The following SHPRH variants were observed in gnomAD, a reference collection of about 807,000 sequenced individuals.
The protein encoded by SHPRH is E3 ubiquitin-protein ligase SHPRH.
A neutral mutation model predicts 202.5 loss-of-function variants in SHPRH; 106 were observed. The ratio of observed to expected loss-of-function variants is 0.52; its 90% CI spans 0.45 to 0.62. The LOEUF (loss-of-function observed/expected upper bound fraction) is 0.62. Ranked by LOEUF, SHPRH falls within the 20% of genes least tolerant of loss-of-function variation. The pLI is 0.00. For synonymous variants in SHPRH, 729 were observed against 686.0 expected (o/e 1.06, Z -0.98); for missense variants, 1,710 against 2,020.0 (o/e 0.85, Z 2.94).
Position 145,926,248 on chromosome 6 carries a change from G to C in SHPRH, c.3250C>G (p.Pro1084Ala). The change falls in exon 16 of 30, where the codon CCA (proline) becomes GCA (alanine). Residue 1084 changes from proline to alanine, a missense_variant. Transcript: ENST00000275233. ...NLMELLIARH[P>A]GIPPTLRDGR... Reference sequence around the variant, plus strand: ...TCACGCAAGGTAGGTGGTATCCCTGGGTGCCTGGCTATCAACAATTCCATC... The same window carrying C: ...TCACGCAAGGTAGGTGGTATCCCTGCGTGCCTGGCTATCAACAATTCCATC... The C allele has an allele frequency of 6.2e-7, 1 of 1,612,790 alleles. No individual in the cohort carries two copies. The highest frequency in any genetic ancestry group is 8.5e-7 in the Non-Finnish European group (1 of 1,179,206).
exon 3 of SHPRH, chr6:145,864,422 T>C: frequency 2.4e-6 from 1 of 419,098 alleles, no homozygotes; most frequent in Non-Finnish European, 5.0e-6. Flanking sequence ...GAATGGCAGT[T>C]GTCAGGGACC....
At chr6:145,903,400 TTC>T (rs1176768178) in intron 25 of SHPRH, 1 of 147,858 alleles carries the variant, frequency 6.8e-6, no homozygotes, top group Non-Finnish European at 1.5e-5. Context: ...ATGGCTAGGC[TTC>T]TCTGTGAGTT....
chr6:145,905,468 G>A (rs1782879775), intron 25 of SHPRH: 2 of 152,064 alleles, frequency 1.3e-5, no homozygotes, highest in African/African-American at 2.4e-5. Context: ...GTGAGGGACT[G>A]ACTGCTTCCA....
At chr6:145,924,872 T>C in intron 16 of SHPRH, 26 bp from the exon 17 acceptor site, 3 of 1,554,178 alleles carry the variant, frequency 1.9e-6, no homozygotes, top group Non-Finnish European at 2.7e-6. Flanking sequence ...GAATATAAAC[T>C]TTCACTCCCA....
Position 145,910,562 on chromosome 6 carries a change from T to G in SHPRH, c.4401A>C (p.Gly1467=), listed in dbSNP as rs1257722080. Residue 1467 remains glycine (G), a synonymous_variant, in exon 25 of 30, where the codon GGA becomes GGC. Transcript: ENST00000275233. ...ISIIIEQYSV[G]SHRSSIKCAI... is the part of the protein sequence containing the mutation. ...CACACTTAATGGAGCTTCTGTGAGATCCCACGCTGTATTGTTCAATAATTA... is the reference window on the plus strand; with the variant it reads ...CACACTTAATGGAGCTTCTGTGAGAGCCCACGCTGTATTGTTCAATAATTA... 19 of 1,612,466 alleles carry G rather than the reference T, an allele frequency of 1.2e-5. No homozygotes were observed. The highest frequency in any genetic ancestry group is 1.6e-5 in the Non-Finnish European group (19 of 1,179,600).
At chr6:145,867,617 TATATATATATATATAG>T (rs1449822177) in intron 2 of SHPRH, among the ~76,000 whole-genome samples, 5 of 69,198 alleles carry the variant, frequency 7.2e-5, no homozygotes, top group Middle Eastern at 0.011. Context: ...TATATATATA[TATATATATATATATAG>T]AGAGAGAGAG....
chr6:145,887,754 C>T (rs907969579), intron 29 of SHPRH, among the ~76,000 whole-genome samples: 7 of 151,916 alleles, frequency 4.6e-5, no homozygotes, highest in African/African-American at 1.5e-4. Context: ...AGGCTGGTTT[C>T]GAACTCCCAG....
intron 14 of SHPRH, among the ~76,000 whole-genome samples, chr6:145,932,617 T>C (rs1785592507): frequency 1.3e-5 from 2 of 152,204 alleles, no homozygotes; most frequent in African/African-American, 4.8e-5. Context: ...CTAGATCAGA[T>C]GTGGCACACA....
At chr6:145,877,552 C>T (rs1780357719) in intron 2 of SHPRH, 2 of 152,186 alleles carry the variant, frequency 1.3e-5, no homozygotes, top group African/African-American at 2.4e-5. Context: ...TGCCATGCCT[C>T]GAAATTGCCC....
At position 145,910,562 on chromosome 6, in the gene SHPRH, T is replaced by C; in HGVS notation, c.4401A>G (p.Gly1467=). The C allele has an allele frequency of 5.6e-6, 9 of 1,612,584 alleles. No homozygotes were observed. The highest frequency in any genetic ancestry group is 6.8e-6 in the Non-Finnish European group (8 of 1,179,592). The change falls in exon 25 of 30, where the codon GGA becomes GGG. Residue 1467 remains glycine (G), a synonymous_variant. Coordinates refer to ENST00000275233, the MANE Select transcript of SHPRH (RefSeq NM_001042683.3). Reference sequence around the variant, plus strand: ...CACACTTAATGGAGCTTCTGTGAGATCCCACGCTGTATTGTTCAATAATTA... The same window carrying C: ...CACACTTAATGGAGCTTCTGTGAGACCCCACGCTGTATTGTTCAATAATTA... ...ISIIIEQYSV[G]SHRSSIKCAI...
intron 7 of SHPRH, 48 bp downstream of exon 7, chr6:145,946,185 C>A: frequency 1.4e-6 from 2 of 1,405,974 alleles, no homozygotes; most frequent in Non-Finnish European, 9.8e-7. Flanking sequence ...AGAACTCTAG[C>A]AAAGATCACT....
intron 28 of SHPRH, among the ~76,000 whole-genome samples, chr6:145,891,738 C>T (rs1202449818): frequency 6.6e-6 from 1 of 152,138 alleles, no homozygotes; most frequent in Non-Finnish European, 1.5e-5. Flanking sequence ...AGAAGACACA[C>T]TTAAGACAGA....
At chr6:145,893,101 AG>A in intron 28 of SHPRH, 113 bp downstream of exon 28, 1 of 736,598 alleles carries the variant, frequency 1.4e-6, no homozygotes, top group Non-Finnish European at 1.9e-6. Context: ...GTAGTATCTA[AG>A]GAAGTAATTA....
chr6:145,952,323 AT>A, intron 3 of SHPRH, 25 bp downstream of exon 3: 1 of 1,564,776 alleles, frequency 6.4e-7, no homozygotes, highest in Admixed American at 1.8e-5. Context: ...AGTAATAGCA[AT>A]TTTTAAGTTT....
At chr6:145,961,139 G>C (rs1204154068) in intron 1 of SHPRH, among the ~76,000 whole-genome samples, 4 of 152,114 alleles carry the variant, frequency 2.6e-5, no homozygotes, top group African/African-American at 9.7e-5. Flanking sequence ...CCTGAGGGGT[G>C]GGGACCCCTG....
At chr6:145,901,050 T>C (rs895300149) in intron 25 of SHPRH, among the ~76,000 whole-genome samples, 2 of 152,118 alleles carry the variant, frequency 1.3e-5, no homozygotes, top group African/African-American at 4.8e-5. Flanking sequence ...CCTTCCATAA[T>C]ATCTACATAT....
chr6:145,880,872 A>G (rs1204361513), downstream of SHPRH, among the ~76,000 whole-genome samples: 4 of 152,182 alleles, frequency 2.6e-5, no homozygotes, highest in African/African-American at 9.6e-5. Flanking sequence ...AATTTCAAGC[A>G]TCCTAAAAGA....
At position 145,919,500 on chromosome 6, in the gene SHPRH, A is replaced by G; in HGVS notation, c.4009-9T>C. On this transcript the variant is annotated splice_polypyrimidine_tract_variant and intron_variant, in intron 21 of 29. Transcript: ENST00000275233. Reference sequence around the variant, plus strand: ...CAATATTCATGAAGCAACTGAAGGAATAGAAAAGACAAACACAGTGGTAAA... The same window carrying G: ...CAATATTCATGAAGCAACTGAAGGAGTAGAAAAGACAAACACAGTGGTAAA... The G allele has an allele frequency of 6.2e-7, 1 of 1,612,090 alleles. No homozygotes were observed.
downstream of SHPRH, among the ~76,000 whole-genome samples, chr6:145,881,210 AT>A (rs1346866102): frequency 2.0e-5 from 3 of 152,192 alleles, no homozygotes; most frequent in Non-Finnish European, 1.5e-5. Context: ...ATATTTCATT[AT>A]TTAAATTCTT....
Sources: allele counts gnomAD v4.1 joint callset (sites outside exome capture counted in the v4.1 genomes callset), GRCh38; gene constraint gnomAD v4.1.1; transcripts MANE v1.5; gene names NCBI Gene and HGNC (gene_info 2026-07-23, HGNC 2026-07-21).